The following ZFP2 variants were observed in gnomAD, a reference collection of about 807,000 sequenced individuals.
ZFP2 encodes ZFP2 zinc finger protein, also known as zinc finger protein ZFP2.
In ZFP2, 33 loss-of-function variants were observed where a neutral mutation model predicts 36.1. The observed-to-expected ratio is 0.92, with a 90% CI of 0.69 to 1.22. ZFP2 has a LOEUF of 1.22. Among genes scored for constraint, ZFP2 ranks in the 50% most tolerant of loss-of-function variants. The pLI, the probability that ZFP2 is intolerant of heterozygous loss-of-function variation, is 0.00. For missense variants in ZFP2, 522 were observed against 551.4 expected, an observed-to-expected ratio of 0.95 and a Z score of 0.53; for synonymous variants, 170 against 178.0, an observed-to-expected ratio of 0.96 and a Z score of 0.36.
intron 4 of ZFP2, among the ~76,000 whole-genome samples, chr5:178,926,969 C>T (rs1237587093): frequency 2.0e-5 from 3 of 152,200 alleles, no homozygotes; most frequent in Non-Finnish European, 2.9e-5. Flanking sequence ...CTGGTTAATG[C>T]TTATTTCTTG....
chr5:178,929,044 C>G (rs977117340), intron 4 of ZFP2, among the ~76,000 whole-genome samples: 1 of 152,206 alleles, frequency 6.6e-6, no homozygotes. Context: ...AACCTGGCCC[C>G]TTTCAGCCGT....
chr5:178,897,040 T>TCC (rs1757959643), intron 1 of ZFP2, among the ~76,000 whole-genome samples: 1 of 101,414 alleles, frequency 9.9e-6, no homozygotes, highest in South Asian at 2.5e-4. Context: ...GTTTTCTTTT[T>TCC]TCTTTTTTTT....
At position 178,929,945 on chromosome 5, in the gene ZFP2, G is replaced by GGGGT. The variant is rs1554107560; in HGVS notation, c.-77-1289_-77-1288insTGGG. On this transcript the variant is annotated intron_variant, in intron 4 of 4. Coordinates refer to ENST00000361362, the MANE Select transcript of ZFP2 (RefSeq NM_030613.4). Reference sequence around the variant, plus strand: ...AGTGCCAGCATCTGCTTGACGGTGGGGGGGGGGGCTCAGGAGGCTTACAGT... The same window carrying GGGGT: ...AGTGCCAGCATCTGCTTGACGGTGGGGGGTGGGGGGGGCTCAGGAGGCTTACAGT... Among the ~76,000 whole-genome samples, 11 of 141,166 alleles carry GGGGT rather than the reference G, an allele frequency of 7.8e-5. No individual in the cohort carries two copies. In the South Asian group the frequency reaches 1.6e-3, roughly 20 times the overall value. The allele number at this position is 141,166 out of a possible 152,430, so 92.6% of individuals were successfully genotyped here.
At chr5:178,907,388 G>T (rs1434709329) in intron 1 of ZFP2, among the ~76,000 whole-genome samples, 1 of 151,222 alleles carries the variant, frequency 6.6e-6, no homozygotes, top group Non-Finnish European at 1.5e-5. Context: ...ATATTTGGGG[G>T]TAGGGAAAGG....
chr5:178,931,642 C>A lies in ZFP2; in HGVS notation c.329C>A (p.Thr110Asn). ...KIYECNQCSK[T>N]FSQSSSLLKH... The stretch of plus-strand genomic sequence containing the variant: ...TATGAATGTAATCAGTGCAGCAAAA[C>A]CTTCAGTCAGAGCTCATCCCTTCTT... The change falls in exon 5 of 5, where the codon ACC becomes AAC. Residue 110 changes from threonine to asparagine, a missense_variant. By Grantham distance (65) the Thr-to-Asn change is moderately conservative. Transcript: ENST00000361362. 6.2e-7 allele frequency: 1 copy of A among 1,614,134 alleles called. No homozygotes were observed. Among genetic ancestry groups the A allele is most frequent in the African/African-American group, 1.3e-5 (1 of 75,046 alleles).
chr5:178,917,762 A>G (rs2113097750), intron 4 of ZFP2, among the ~76,000 whole-genome samples: 1 of 152,378 alleles, frequency 6.6e-6, no homozygotes, highest in African/African-American at 2.4e-5. Flanking sequence ...GCATGCTCAC[A>G]TGAGCCTCAC....
chr5:178,902,274 T>G (rs1728179744), intron 1 of ZFP2, among the ~76,000 whole-genome samples: 1 of 152,236 alleles, frequency 6.6e-6, no homozygotes, highest in South Asian at 2.1e-4. Flanking sequence ...CATGCCCATT[T>G]CACTCTAAGT....
chr5:178,928,229 C>A (rs1826863), intron 4 of ZFP2, among the ~76,000 whole-genome samples: 32,530 of 152,012 alleles, frequency 0.21, 3,770 homozygotes, highest in Non-Finnish European at 0.24. Flanking sequence ...TATCATTCTG[C>A]CCCTGGCCCC....
intron 1 of ZFP2, among the ~76,000 whole-genome samples, chr5:178,900,340 C>T (rs1347482915): frequency 2.7e-5 from 4 of 147,156 alleles, no homozygotes; most frequent in Admixed American, 6.7e-5. Flanking sequence ...ACGTCCCCCT[C>T]CCCAGCCAGA....
intron 4 of ZFP2, among the ~76,000 whole-genome samples, chr5:178,929,939 C>CGGTG (rs1303256210): frequency 2.0e-5 from 2 of 98,830 alleles, no homozygotes; most frequent in Non-Finnish European, 2.5e-5. Context: ...ATCTGCTTGA[C>CGGTG]GGTGGGGGGG....
chr5:178,897,092 T>G (rs1757961960), intron 1 of ZFP2, among the ~76,000 whole-genome samples: 1 of 151,874 alleles, frequency 6.6e-6, no homozygotes, highest in Non-Finnish European at 1.5e-5. Flanking sequence ...GCTACATACA[T>G]CTTTGCATTT....
rs746884918 is a variant in ZFP2, at chr5:178,931,836, G to C, written c.523G>C (p.Val175Leu). The C allele has an allele frequency of 1.2e-6, 2 of 1,612,484 alleles. No individual in the cohort carries two copies. The highest frequency in any genetic ancestry group is 1.7e-6 in the Non-Finnish European group (2 of 1,178,834). ...CTTTAGTCAGAGCATGAATCTTACT[G>C]TCCATCAACGAACTCACACCGGAGA... ...KAFSQSMNLT[V>L]HQRTHTGEKP... The change falls in exon 5 of 5, where the codon GTC (valine) becomes CTC (leucine). Residue 175 changes from valine (V) to leucine (L), a missense_variant. Physicochemically the swap from Val to Leu is conservative, Grantham distance 32. Transcript: ENST00000361362.
intron 1 of ZFP2, among the ~76,000 whole-genome samples, chr5:178,908,040 C>T (rs904867017): frequency 6.6e-6 from 1 of 152,170 alleles, no homozygotes; most frequent in African/African-American, 2.4e-5. Context: ...GGGTTGTCAC[C>T]AGACTACAAA....
At chr5:178,900,389 C>T (rs1758030554) in intron 1 of ZFP2, among the ~76,000 whole-genome samples, 1 of 117,842 alleles carries the variant, frequency 8.5e-6, no homozygotes, top group Non-Finnish European at 1.8e-5. Context: ...GTCCCCCACC[C>T]CAGCCAGCCA....
chr5:178,898,715 T>A (rs1350639400), intron 1 of ZFP2, among the ~76,000 whole-genome samples: 2 of 152,192 alleles, frequency 1.3e-5, no homozygotes, highest in Non-Finnish European at 2.9e-5. Flanking sequence ...CCCTTCCTCC[T>A]GTACTGCATG....
rs532057330 is a variant in ZFP2 at position 178,932,222 on chromosome 5, C to T, written c.909C>T (p.Cys303=). Residue 303 remains cysteine (C), a synonymous_variant, in exon 5 of 5, where the codon TGC becomes TGT. Coordinates refer to ENST00000361362, the MANE Select transcript of ZFP2 (RefSeq NM_030613.4). The part of the protein sequence containing the change: ...TGEKPYKCNK[C]GKSFSQSTYL... ...AAAAACCTTACAAATGTAACAAATGCGGGAAATCCTTTAGCCAAAGTACAT... is the reference window on the plus strand; with the variant it reads ...AAAAACCTTACAAATGTAACAAATGTGGGAAATCCTTTAGCCAAAGTACAT... The T allele has an allele frequency of 4.1e-5, 66 of 1,614,050 alleles. No homozygotes were observed. The highest frequency in any genetic ancestry group is 3.3e-4 in the African/African-American group (25 of 75,026).
At chr5:178,899,981 T>C (rs1758022322) in intron 1 of ZFP2, among the ~76,000 whole-genome samples, 1 of 152,114 alleles carries the variant, frequency 6.6e-6, no homozygotes, top group Non-Finnish European at 1.5e-5. Context: ...CTTTCTTCAG[T>C]ATTATCAAAC....
intron 4 of ZFP2, among the ~76,000 whole-genome samples, chr5:178,920,048 T>C (rs1758522374): frequency 6.6e-6 from 1 of 152,244 alleles, no homozygotes; most frequent in South Asian, 2.1e-4. Context: ...TGAAATCTTC[T>C]GTCAAATATA....
intron 4 of ZFP2, among the ~76,000 whole-genome samples, chr5:178,927,319 G>A (rs1015332181): frequency 6.6e-6 from 1 of 152,134 alleles, no homozygotes; most frequent in Non-Finnish European, 1.5e-5. Context: ...AGTTTAAGGG[G>A]AAGAAACCTC....
Sources: gnomAD v4.1 joint callset for allele counts (sites outside exome capture counted in the v4.1 genomes callset) on GRCh38, gnomAD v4.1.1 for gene constraint, MANE v1.5 for transcripts, NCBI Gene and HGNC (gene_info 2026-07-23, HGNC 2026-07-21) for gene names.